Variants in SLCO5A1 observed in about 807,000 individuals in gnomAD.
SLCO5A1 encodes organic anion transporter polypeptide-related protein 4.
A neutral mutation model predicts 65.1 loss-of-function variants in SLCO5A1; 39 were observed. That is an observed-to-expected ratio of 0.60 (90% CI 0.46 to 0.78). The LOEUF (loss-of-function observed/expected upper bound fraction) is 0.78, where lower values mean the gene tolerates loss of function less well. Among genes scored for constraint, SLCO5A1 ranks in the 30% least tolerant of loss-of-function variants. The probability of loss-of-function intolerance (pLI) is 0.00; values close to 1 mark genes in which losing one functional copy is unlikely to be tolerated. For missense variants in SLCO5A1, 1,029 were observed against 1,069.4 expected (o/e 0.96, Z 0.53); for synonymous variants, 438 against 415.7 (o/e 1.05, Z -0.65).
At chr8:69,709,484 T>C (rs1815130285) in intron 5 of SLCO5A1, among the ~76,000 whole-genome samples, 2 of 152,198 alleles carry the variant, frequency 1.3e-5, no homozygotes, top group Admixed American at 1.3e-4. Flanking sequence ...GTTTTTCTGT[T>C]TTATTTTTCC....
At chr8:69,714,420 T>C (rs573713277) in intron 5 of SLCO5A1, among the ~76,000 whole-genome samples, 3 of 152,302 alleles carry the variant, frequency 2.0e-5, no homozygotes, top group Non-Finnish European at 4.4e-5. Flanking sequence ...TTAGGCAGAG[T>C]AGAAGAACTT....
intron 2 of SLCO5A1, among the ~76,000 whole-genome samples, chr8:69,784,907 A>AAAGAAGAAAGG (rs1563723043): frequency 2.2e-5 from 2 of 90,268 alleles, no homozygotes; most frequent in African/African-American, 1.1e-4. Flanking sequence ...AGAAAGAAAG[A>AAAGAAGAAAGG]AAGAAAGAAA....
chr8:69,698,180 A>G (rs1441032333), intron 6 of SLCO5A1, among the ~76,000 whole-genome samples: 5 of 152,192 alleles, frequency 3.3e-5, no homozygotes, highest in Non-Finnish European at 5.9e-5. Flanking sequence ...TGCAAAGGGA[A>G]CGGTCTCATT....
intron 5 of SLCO5A1, among the ~76,000 whole-genome samples, chr8:69,734,838 T>TA (rs973085655): frequency 1.3e-5 from 2 of 152,024 alleles, no homozygotes; most frequent in Admixed American, 1.3e-4. Flanking sequence ...CTACATGCAT[T>TA]AAAAAAAGGG....
intron 2 of SLCO5A1, among the ~76,000 whole-genome samples, chr8:69,809,495 T>C (rs915351559): frequency 6.6e-6 from 1 of 152,172 alleles, no homozygotes; most frequent in Non-Finnish European, 1.5e-5. Flanking sequence ...AGTAAGTCAT[T>C]AGAATATAGT....
At chr8:69,770,387 G>A (rs553757172) in intron 2 of SLCO5A1, among the ~76,000 whole-genome samples, 98 of 152,216 alleles carry the variant, frequency 6.4e-4, no homozygotes, top group African/African-American at 2.2e-3. Context: ...TTGAGCCCAC[G>A]AGTTCAAGAC....
intron 4 of SLCO5A1, among the ~76,000 whole-genome samples, chr8:69,745,237 A>G (rs2130849864): frequency 6.6e-6 from 1 of 152,110 alleles, no homozygotes; most frequent in Middle Eastern, 3.4e-3. Flanking sequence ...AACCTTCATT[A>G]ATTTTCTGAT....
At chr8:69,681,750 T>C (rs1813783557) in intron 7 of SLCO5A1, among the ~76,000 whole-genome samples, 1 of 152,234 alleles carries the variant, frequency 6.6e-6, no homozygotes, top group African/African-American at 2.4e-5. Context: ...TGAACTGATA[T>C]AGTCTATGAA....
intron 3 of SLCO5A1, among the ~76,000 whole-genome samples, chr8:69,759,716 G>T (rs1817678675): frequency 6.6e-6 from 1 of 152,158 alleles, no homozygotes; most frequent in South Asian, 2.1e-4. Flanking sequence ...TGCCAACTCA[G>T]CTCACTGCAA....
At chr8:69,796,171 C>A (rs1489885238) in intron 2 of SLCO5A1, among the ~76,000 whole-genome samples, 1 of 152,094 alleles carries the variant, frequency 6.6e-6, no homozygotes, top group East Asian at 1.9e-4. Flanking sequence ...ATTGTCTTAT[C>A]TATTAGTATT....
intron 5 of SLCO5A1, among the ~76,000 whole-genome samples, chr8:69,737,513 G>C (rs928973692): frequency 1.3e-5 from 2 of 151,942 alleles, no homozygotes; most frequent in Non-Finnish European, 2.9e-5. Context: ...AAGTACTATG[G>C]GTATATGCAT....
intron 4 of SLCO5A1, among the ~76,000 whole-genome samples, chr8:69,746,152 T>TCTGTAA (rs1303976572): frequency 3.9e-5 from 6 of 152,148 alleles, no homozygotes; most frequent in African/African-American, 1.4e-4. Flanking sequence ...GAGGGCAAGG[T>TCTGTAA]CTGTAACTTT....
intron 2 of SLCO5A1, among the ~76,000 whole-genome samples, chr8:69,826,222 A>G (rs1351133873): frequency 6.6e-6 from 1 of 151,930 alleles, no homozygotes; most frequent in Non-Finnish European, 1.5e-5. Context: ...AGGCATGGGC[A>G]AGGACTTCAT....
rs1293927895 is a variant in SLCO5A1, at chr8:69,832,307, CCACGTAGAGG to C, written c.357_366del (p.Cys119TrpfsTer16). On this transcript the variant is annotated frameshift_variant, in exon 2 of 10. Coordinates refer to ENST00000260126, the MANE Select transcript of SLCO5A1 (RefSeq NM_030958.3). LOFTEE classifies it high-confidence loss of function. The surrounding 1 kb of genome is among the most constrained non-coding windows in gnomAD (Gnocchi z 4.5). Reference sequence around the variant, plus strand: ...AGGAAGCAACGGGAATCCGTGAGGACCACGTAGAGGCACCTTCTCTCCTGGAGCATGGCCA... The same window carrying C: ...AGGAAGCAACGGGAATCCGTGAGGACCACCTTCTCTCCTGGAGCATGGCCA... The C allele has an allele frequency of 6.2e-7, 1 of 1,614,068 alleles. No individual in the cohort carries two copies. The highest frequency in any genetic ancestry group is 1.3e-5 in the African/African-American group (1 of 74,910).
In SLCO5A1 at chr8:69,679,557, C is replaced by A. The variant is rs1813679505; in HGVS notation, c.1845G>T (p.Val615=). ...CCACACGGAGCTGACTTCGCTGTCC[C>A]ACGGTGGGTGGAGTGATCACTTGGC... The part of the protein sequence containing the change: ...QSRQVITPPT[V]GQRSQLRVVI... The change falls in exon 8 of 10, where the codon GTG becomes GTT. Residue 615 remains valine, a synonymous_variant. Transcript: ENST00000260126. 1 of 1,614,178 alleles carries A rather than the reference C, an allele frequency of 6.2e-7. No individual in the cohort carries two copies. Among genetic ancestry groups the A allele is most frequent in the African/African-American group, 1.3e-5 (1 of 75,038 alleles).
At chr8:69,761,011 C>G (rs1817749313) in intron 3 of SLCO5A1, among the ~76,000 whole-genome samples, 1 of 152,100 alleles carries the variant, frequency 6.6e-6, no homozygotes, top group Admixed American at 6.6e-5. Flanking sequence ...ACACCAAATA[C>G]AATAAGAAAG....
intron 2 of SLCO5A1, among the ~76,000 whole-genome samples, chr8:69,782,377 T>G (rs142669370): frequency 4.0e-5 from 6 of 151,264 alleles, no homozygotes; most frequent in African/African-American, 1.5e-4. Flanking sequence ...AGACCAGGAG[T>G]TCAAGACCAG....
intron 2 of SLCO5A1, among the ~76,000 whole-genome samples, chr8:69,782,191 C>T (rs997781066): frequency 2.0e-5 from 3 of 151,804 alleles, no homozygotes; most frequent in Non-Finnish European, 2.9e-5. Flanking sequence ...ACGTAACAAA[C>T]CTGCACATTC....
intron 2 of SLCO5A1, among the ~76,000 whole-genome samples, chr8:69,826,175 C>A (rs1586841313): frequency 6.6e-6 from 1 of 152,068 alleles, no homozygotes; most frequent in South Asian, 2.1e-4. Flanking sequence ...ACCATAAAAA[C>A]CCTAGAAGAA....
Sources: gnomAD v4.1 joint callset for allele counts (sites outside exome capture counted in the v4.1 genomes callset) on GRCh38, gnomAD v4.1.1 for gene constraint, Gnocchi (gnomAD v3.1) non-coding constraint, MANE v1.5 for transcripts, NCBI Gene and HGNC (gene_info 2026-07-23, HGNC 2026-07-21) for gene names.